The following PTPRC variants were observed in gnomAD, a reference collection of about 807,000 sequenced individuals.
The protein encoded by PTPRC is receptor-type tyrosine-protein phosphatase C.
PTPRC carries 44 observed loss-of-function variants against 155.9 expected under a neutral mutation model. The observed-to-expected ratio is 0.28, with a 90% CI of 0.22 to 0.36. The LOEUF (loss-of-function observed/expected upper bound fraction) is 0.36. Ranked by LOEUF, PTPRC falls within the 10% of genes least tolerant of loss-of-function variation. The pLI is 1.00. For missense variants in PTPRC, 1,401 were observed against 1,564.6 expected (o/e 0.90, Z 1.76); for synonymous variants, 525 against 533.1 (o/e 0.98, Z 0.21).
At chr1:198,679,824 G>C in intron 2 of PTPRC, 1 of 550,480 alleles carries the variant, frequency 1.8e-6, no homozygotes, top group Non-Finnish European at 3.3e-6. Context: ...TCTTCCTGCC[G>C]GGAGCGTCCG....
chr1:198,704,414 C>T (rs997616259), intron 7 of PTPRC, 58 bp from the exon 8 acceptor site: 16 of 1,611,238 alleles, frequency 9.9e-6, no homozygotes, highest in African/African-American at 6.7e-5. Context: ...CCAAAAATGA[C>T]ATGGCAGATA....
intron 9 of PTPRC, among the ~76,000 whole-genome samples, chr1:198,707,458 G>T (rs964349283): frequency 6.6e-6 from 1 of 152,084 alleles, no homozygotes; most frequent in Non-Finnish European, 1.5e-5. Context: ...AGAGGAGGGG[G>T]TGACAGGCGT....
intron 14 of PTPRC, among the ~76,000 whole-genome samples, chr1:198,718,826 G>A (rs533447898): frequency 5.3e-5 from 8 of 152,034 alleles, no homozygotes; most frequent in African/African-American, 1.2e-4. Flanking sequence ...CACTTAACAC[G>A]TATTATCAAC....
At chr1:198,750,325 T>C in intron 28 of PTPRC, 167 bp from the exon 29 acceptor site, 1 of 694,820 alleles carries the variant, frequency 1.4e-6, no homozygotes, top group Admixed American at 2.5e-5. Flanking sequence ...TGTATAATTA[T>C]TTTACATATA....
chr1:198,641,920 C>T (rs1456991526), intron 2 of PTPRC, among the ~76,000 whole-genome samples: 1 of 151,994 alleles, frequency 6.6e-6, no homozygotes, highest in East Asian at 1.9e-4. Context: ...CCTTGCACAT[C>T]ACAGACATTC....
At chr1:198,684,456 A>C (rs979131000) in intron 2 of PTPRC, among the ~76,000 whole-genome samples, 8 of 151,704 alleles carry the variant, frequency 5.3e-5, no homozygotes, top group Non-Finnish European at 1.0e-4. Context: ...TGGCCACAAA[A>C]ATTTGCCTTC....
intron 15 of PTPRC, among the ~76,000 whole-genome samples, 157 bp downstream of exon 15, chr1:198,722,633 C>T (rs1653947744): frequency 6.6e-6 from 1 of 151,352 alleles, no homozygotes; most frequent in South Asian, 2.1e-4. Flanking sequence ...TAAAACCATA[C>T]ATATATATGT....
intron 12 of PTPRC, among the ~76,000 whole-genome samples, chr1:198,715,616 T>G (rs2102436506): frequency 6.6e-6 from 1 of 152,144 alleles, no homozygotes; most frequent in South Asian, 2.1e-4. Context: ...CTGGAAATTA[T>G]TTTGTGTAAT....
chr1:198,686,647 C>G (rs1176818868), intron 2 of PTPRC, among the ~76,000 whole-genome samples: 1 of 152,202 alleles, frequency 6.6e-6, no homozygotes, highest in Non-Finnish European at 1.5e-5. Context: ...CTATTTTCCA[C>G]ACTTTCCCAG....
intron 2 of PTPRC, among the ~76,000 whole-genome samples, chr1:198,692,044 A>C (rs1298044749): frequency 6.6e-6 from 1 of 152,124 alleles, no homozygotes; most frequent in African/African-American, 2.4e-5. Flanking sequence ...AAAAGTTTCA[A>C]AAGTTTTTCA....
At chr1:198,709,983 T>G (rs1356304028) in intron 11 of PTPRC, among the ~76,000 whole-genome samples, 159 bp downstream of exon 11, 1 of 152,246 alleles carries the variant, frequency 6.6e-6, no homozygotes, top group Admixed American at 6.5e-5. Flanking sequence ...CTATTTTTAC[T>G]TCTTTTGCTT....
intron 3 of PTPRC, chr1:198,693,899 A>G (rs1666061264): frequency 8.1e-7 from 1 of 1,228,010 alleles, no homozygotes; most frequent in Non-Finnish European, 1.1e-6. Flanking sequence ...TCATCAAAAT[A>G]GCGTGGTACT....
At chr1:198,703,538 A>T (rs1666566966) in intron 7 of PTPRC, 166 bp downstream of exon 7, 5 of 1,028,024 alleles carry the variant, frequency 4.9e-6, no homozygotes, top group Non-Finnish European at 7.3e-6. Flanking sequence ...TCTGCTTAGC[A>T]GTGCAACAGC....
chr1:198,707,046 G>C (rs1653017946), intron 9 of PTPRC, 94 bp downstream of exon 9: 1 of 1,048,924 alleles, frequency 9.5e-7, no homozygotes, highest in South Asian at 1.3e-5. Flanking sequence ...AGTCTGGTGA[G>C]AGAACAGGGC....
intron 3 of PTPRC, among the ~76,000 whole-genome samples, chr1:198,693,470 A>G (rs1666035276): frequency 1.3e-5 from 2 of 152,222 alleles, no homozygotes; most frequent in African/African-American, 4.8e-5. Context: ...TTTGCAGGAA[A>G]GGGATAGGTA....
chr1:198,728,597 C>A (rs1654251563), intron 16 of PTPRC, 149 bp downstream of exon 16: 1 of 910,100 alleles, frequency 1.1e-6, no homozygotes. Context: ...AACTTTTAAT[C>A]AAAAACTTTT....
intron 10 of PTPRC, among the ~76,000 whole-genome samples, chr1:198,708,913 G>T (rs1212377781): frequency 1.3e-5 from 2 of 152,254 alleles, no homozygotes; most frequent in Non-Finnish European, 2.9e-5. Context: ...GCTCAGGTGT[G>T]CATGCGCATG....
intron 15 of PTPRC, 128 bp from the exon 16 acceptor site, chr1:198,728,212 G>C (rs1654228914): frequency 1.4e-6 from 1 of 707,276 alleles, no homozygotes; most frequent in Admixed American, 3.1e-5. Context: ...ATTCTAAAAT[G>C]TTTATTTTTT....
In PTPRC at chr1:198,732,320, C is replaced by A. The variant is rs1164362432; in HGVS notation, c.1995C>A (p.Ser665Arg). The change falls in exon 19 of 33, where the codon AGC becomes AGA. Residue 665 changes from serine to arginine, a missense_variant. This residue lies in a region of PTPRC where 867 missense variants were observed against 970.4 expected (regional missense o/e 0.89). Coordinates refer to ENST00000442510, the MANE Select transcript of PTPRC (RefSeq NM_002838.5). ...AEFQSIPRVF[S>R]KFPIKEARKP... ...TTCAGAGCATCCCGCGGGTGTTCAG[C>A]AAGTTTCCTATAAAGGAAGCTCGAA... 6.2e-7 allele frequency: 1 copy of A among 1,612,430 alleles called. No individual in the cohort carries two copies. The highest frequency in any genetic ancestry group is 2.2e-5 in the East Asian group (1 of 44,804).
Sources: allele counts gnomAD v4.1 joint callset (sites outside exome capture counted in the v4.1 genomes callset), GRCh38; gene constraint gnomAD v4.1.1; regional missense constraint gnomAD v4.1.1; transcripts MANE v1.5; gene names NCBI Gene and HGNC (gene_info 2026-07-23, HGNC 2026-07-21).